The following TTC7B variants were observed in gnomAD, a reference collection of about 807,000 sequenced individuals.
TTC7B encodes the protein tetratricopeptide repeat protein 7B.
In TTC7B, 28 loss-of-function variants were observed where a neutral mutation model predicts 106.8. That is an observed-to-expected ratio of 0.26 (90% CI 0.19 to 0.36). The LOEUF is 0.36. Ranked by LOEUF, TTC7B falls within the 10% of genes least tolerant of loss-of-function variation. The pLI is 1.00. For missense variants in TTC7B, 862 were observed against 1,076.4 expected, an observed-to-expected ratio of 0.80 and a Z score of 2.79; for synonymous variants, 405 against 430.6, an observed-to-expected ratio of 0.94 and a Z score of 0.74.
At chr14:90,754,846 T>C (rs1450349028) in intron 3 of TTC7B, among the ~76,000 whole-genome samples, 6 of 152,252 alleles carry the variant, frequency 3.9e-5, no homozygotes, top group Non-Finnish European at 8.8e-5. Flanking sequence ...ATCTTTCATA[T>C]GTGGCTTCTT....
intron 13 of TTC7B, among the ~76,000 whole-genome samples, chr14:90,649,270 A>G (rs1885609245): frequency 6.6e-6 from 1 of 152,262 alleles, no homozygotes; most frequent in Admixed American, 6.5e-5. Context: ...TAATGAATTC[A>G]ACTGACCACT....
intron 9 of TTC7B, among the ~76,000 whole-genome samples, chr14:90,660,244 G>C (rs1392365306): frequency 2.0e-5 from 3 of 151,248 alleles, no homozygotes; most frequent in African/African-American, 7.3e-5. Flanking sequence ...GTAAAAATTA[G>C]CTGGGTATGG....
At chr14:90,810,315 G>A (rs928842847) in intron 1 of TTC7B, among the ~76,000 whole-genome samples, 1 of 152,176 alleles carries the variant, frequency 6.6e-6, no homozygotes, top group East Asian at 1.9e-4. Context: ...GGCCCCAAGG[G>A]CTTCCGAAAA....
At chr14:90,596,662 C>T (rs1305752491) in intron 17 of TTC7B, among the ~76,000 whole-genome samples, 1 of 152,182 alleles carries the variant, frequency 6.6e-6, no homozygotes, top group East Asian at 1.9e-4. Flanking sequence ...GTCCTTGGTG[C>T]TTCTATGTGG....
Position 90,742,419 on chromosome 14 carries a change from G to A in TTC7B, c.576+2373C>T, listed in dbSNP as rs1889806764. 6.6e-6 allele frequency among the ~76,000 whole-genome samples: 1 copy of A among 151,872 alleles called. No individual in the cohort carries two copies. Among genetic ancestry groups the A allele is most frequent in the African/African-American group, 2.4e-5 (1 of 41,306 alleles). On this transcript the variant is annotated intron_variant, in intron 4 of 19. Coordinates refer to ENST00000328459, the MANE Select transcript of TTC7B (RefSeq NM_001010854.2). The surrounding 1 kb of genome is among the most constrained non-coding windows in gnomAD (Gnocchi z 4.1). ...GCTGATCTTAAACTTCTGGCCTCAG[G>A]TGATCCTCCTGTCTCGGCCTCTCAA...
At chr14:90,587,461 GC>G (rs1891763336) in intron 18 of TTC7B, among the ~76,000 whole-genome samples, 1 of 152,150 alleles carries the variant, frequency 6.6e-6, no homozygotes. Flanking sequence ...AGCTCAGGCT[GC>G]CCCCAGGTCT....
At chr14:90,774,426 G>A (rs1262694048) in intron 3 of TTC7B, among the ~76,000 whole-genome samples, 4 of 152,232 alleles carry the variant, frequency 2.6e-5, no homozygotes, top group Non-Finnish European at 4.4e-5. Context: ...GGCGGTCAGC[G>A]CTGCATACAC....
Position 90,525,980 on chromosome 14 carries a change from A to T in TTC7B, c.*15388T>A, listed in dbSNP as rs1037276857. ...GTTAAAAAATAAAAAAAAATAAAAA[A>T]AATAAAAAAAAAAAAGAAGTCTTTG... On this transcript the variant is annotated 3_prime_UTR_variant, in exon 20 of 20. Transcript: ENST00000328459. The T allele has an allele frequency of 2.8e-5, 4 of 142,776 alleles. No individual in the cohort carries two copies. Among genetic ancestry groups the T allele is most frequent in the African/African-American group, 5.1e-5 (2 of 39,014 alleles). 8.8% of individuals were successfully genotyped at this position (142,776 alleles called of 1,614,324 possible). A position where few individuals can be genotyped will look rare whatever the true frequency, so the allele number is the denominator to read the frequency against.
intron 18 of TTC7B, among the ~76,000 whole-genome samples, chr14:90,580,749 C>T (rs528297223): frequency 1.1e-4 from 16 of 152,348 alleles, no homozygotes; most frequent in African/African-American, 3.6e-4. Flanking sequence ...TCTGACCACC[C>T]GCCTCAGCTG....
Position 90,676,591 on chromosome 14 carries a change from C to A in TTC7B, c.1084G>T (p.Ala362Ser). ...KSDRLISLQS[A>S]SVVYDLLTIA... is the part of the protein sequence containing the mutation. ...GTGAGTAAGTCATAGACCACAGATG[C>A]ACTCTGCAGACTGATGAGGCGGTCA... Residue 362 changes from alanine (A) to serine (S), a missense_variant, in exon 9 of 20, where the codon GCA becomes TCA. Transcript: ENST00000328459. The A allele has an allele frequency of 6.2e-7, 1 of 1,614,136 alleles. No homozygotes were observed. Among genetic ancestry groups the A allele is most frequent in the Non-Finnish European group, 8.5e-7 (1 of 1,179,996 alleles).
At chr14:90,638,225 C>T (rs1381731913) in intron 15 of TTC7B, among the ~76,000 whole-genome samples, 1 of 152,054 alleles carries the variant, frequency 6.6e-6, no homozygotes, top group Admixed American at 6.6e-5. Context: ...AGAATTTTCT[C>T]ATTTAACTAC....
At chr14:90,619,933 C>T (rs1055667729) in intron 15 of TTC7B, among the ~76,000 whole-genome samples, 1 of 152,162 alleles carries the variant, frequency 6.6e-6, no homozygotes, top group Non-Finnish European at 1.5e-5. Flanking sequence ...AATTCCTTCA[C>T]CCTGCATGAT....
intron 5 of TTC7B, among the ~76,000 whole-genome samples, chr14:90,729,559 G>T (rs770539919): frequency 3.3e-5 from 5 of 152,168 alleles, no homozygotes; most frequent in Non-Finnish European, 7.3e-5. Flanking sequence ...AACATCAAAT[G>T]CACTCGAGAG....
intron 5 of TTC7B, among the ~76,000 whole-genome samples, chr14:90,713,798 GT>G (rs1888538351): frequency 6.6e-6 from 1 of 152,216 alleles, no homozygotes; most frequent in African/African-American, 2.4e-5. Flanking sequence ...ATGTCCATCA[GT>G]TGGTAAATAA....
At chr14:90,753,691 A>G (rs559117603) in intron 3 of TTC7B, among the ~76,000 whole-genome samples, 2 of 152,336 alleles carry the variant, frequency 1.3e-5, no homozygotes, top group South Asian at 2.1e-4. Context: ...GATTTAGGAA[A>G]GTCTCTTGGC....
intron 3 of TTC7B, among the ~76,000 whole-genome samples, chr14:90,758,458 A>C (rs1479379436): frequency 1.0e-4 from 1 of 9,942 alleles, no homozygotes; most frequent in East Asian, 2.3e-3. Context: ...AGGGGAGGGG[A>C]GATGGGCGGG....
intron 1 of TTC7B, among the ~76,000 whole-genome samples, chr14:90,790,360 A>G (rs1229293685): frequency 3.3e-5 from 5 of 151,984 alleles, no homozygotes; most frequent in African/African-American, 1.2e-4. Context: ...AATAGTGGTT[A>G]CTTCTGAGTG....
chr14:90,585,136 A>G (rs1417132159), intron 18 of TTC7B, among the ~76,000 whole-genome samples: 4 of 152,216 alleles, frequency 2.6e-5, no homozygotes, highest in Non-Finnish European at 5.9e-5. Context: ...AATTGAGCAC[A>G]GCCCAGGCTC....
intron 1 of TTC7B, among the ~76,000 whole-genome samples, chr14:90,797,048 T>A (rs192728285): frequency 6.7e-6 from 1 of 150,298 alleles, no homozygotes; most frequent in Non-Finnish European, 1.5e-5. Context: ...TTTTCCCATG[T>A]TGGCCAAGCT....
Sources: allele counts gnomAD v4.1 joint callset (sites outside exome capture counted in the v4.1 genomes callset), GRCh38; gene constraint gnomAD v4.1.1; non-coding constraint Gnocchi (gnomAD v3.1); transcripts MANE v1.5; gene names NCBI Gene and HGNC (gene_info 2026-07-23, HGNC 2026-07-21).